The following CPXM2 variants were observed in gnomAD, a reference collection of about 807,000 sequenced individuals.
The protein encoded by CPXM2 is inactive carboxypeptidase-like protein X2.
Under a neutral mutation model 86.1 loss-of-function variants are expected in CPXM2, and 66 were observed. The observed-to-expected ratio is 0.77, with a 90% CI of 0.63 to 0.94. The LOEUF (loss-of-function observed/expected upper bound fraction) is 0.94, where lower values mean the gene tolerates loss of function less well. Among genes scored for constraint, CPXM2 ranks in the 40% least tolerant of loss-of-function variants. CPXM2 has a pLI of 0.00. For missense variants in CPXM2, 948 were observed against 1,026.3 expected, an observed-to-expected ratio of 0.92 and a Z score of 1.04; for synonymous variants, 388 against 400.2, an observed-to-expected ratio of 0.97 and a Z score of 0.36.
intron 4 of CPXM2, among the ~76,000 whole-genome samples, chr10:123,819,602 T>C (rs758706982): frequency 6.6e-6 from 1 of 152,256 alleles, no homozygotes; most frequent in Admixed American, 6.5e-5. Flanking sequence ...ATGAGATTTA[T>C]TGACTTCATA....
chr10:123,898,927 C>G (rs536728806), intron 2 of CPXM2, among the ~76,000 whole-genome samples: 3 of 152,040 alleles, frequency 2.0e-5, no homozygotes, highest in Non-Finnish European at 2.9e-5. Context: ...TGTATTTTTT[C>G]ATAGCGCAGA....
At chr10:123,821,870 T>C (rs1847931474) in intron 4 of CPXM2, among the ~76,000 whole-genome samples, 1 of 152,236 alleles carries the variant, frequency 6.6e-6, no homozygotes, top group African/African-American at 2.4e-5. Context: ...AACAAGATGT[T>C]AATTCTCCAT....
intron 6 of CPXM2, among the ~76,000 whole-genome samples, chr10:123,782,520 A>T (rs1427555011): frequency 6.6e-6 from 1 of 152,180 alleles, no homozygotes; most frequent in Non-Finnish European, 1.5e-5. Context: ...AGAACTTCAC[A>T]ACTTTCAGTC....
intron 2 of CPXM2, among the ~76,000 whole-genome samples, chr10:123,931,986 A>G (rs898441835): frequency 6.6e-6 from 1 of 152,190 alleles, no homozygotes; most frequent in African/African-American, 2.4e-5. Flanking sequence ...GTCAGGTCTT[A>G]AGTCAGTATA....
intron 3 of CPXM2, among the ~76,000 whole-genome samples, chr10:123,847,513 G>A (rs745795256): frequency 6.6e-5 from 10 of 151,524 alleles, no homozygotes; most frequent in Non-Finnish European, 1.2e-4. Flanking sequence ...GCAACAGGGC[G>A]AGACTCTGTC....
chr10:123,760,784 C>A (rs1213456051), intron 11 of CPXM2, among the ~76,000 whole-genome samples: 1 of 152,200 alleles, frequency 6.6e-6, no homozygotes, highest in East Asian at 1.9e-4. Context: ...ACTACCACCA[C>A]CATCCTCCTC....
chr10:123,843,432 A>ATTTTTTTTTTTTTT (rs5788632), intron 3 of CPXM2, among the ~76,000 whole-genome samples: 1 of 126,392 alleles, frequency 7.9e-6, no homozygotes, highest in African/African-American at 3.0e-5. Flanking sequence ...TCACAGAGCT[A>ATTTTTTTTTTTTTT]TTTTTTTTTT....
chr10:123,839,049 T>C (rs1334820958), intron 4 of CPXM2, among the ~76,000 whole-genome samples: 2 of 152,176 alleles, frequency 1.3e-5, no homozygotes, highest in African/African-American at 2.4e-5. Flanking sequence ...TACCTAAAAA[T>C]AAAGCTTGAA....
chr10:123,893,852 T>C (rs1049021141), upstream of CPXM2, among the ~76,000 whole-genome samples: 8 of 152,216 alleles, frequency 5.3e-5, no homozygotes, highest in Non-Finnish European at 1.0e-4. Flanking sequence ...CCTGGCATCC[T>C]GGCCAGAGGG....
chr10:123,857,931 A>T (rs1848773213), intron 3 of CPXM2, among the ~76,000 whole-genome samples: 2 of 151,822 alleles, frequency 1.3e-5, no homozygotes, highest in African/African-American at 4.8e-5. Flanking sequence ...TTGGTCCCAC[A>T]GCCCATTCAT....
chr10:123,786,530 T>C (rs1847060464), intron 6 of CPXM2, among the ~76,000 whole-genome samples: 2 of 152,090 alleles, frequency 1.3e-5, no homozygotes, highest in Admixed American at 6.5e-5. Context: ...CACAGGTTGT[T>C]TAGAAGTGAG....
Position 123,844,332 on chromosome 10 carries a change from A to G in CPXM2, c.514-1844T>C, listed in dbSNP as rs1209627760. 2.0e-5 allele frequency among the ~76,000 whole-genome samples: 3 copies of G among 152,204 alleles called. No individual in the cohort carries two copies. The East Asian group carries it at 5.8e-4, about 29-fold the overall frequency. On this transcript the variant is annotated intron_variant, in intron 3 of 13. Coordinates refer to ENST00000241305, the MANE Select transcript of CPXM2 (RefSeq NM_198148.3). ...TGAACCAAAAGGTTTGATTCTTTAAAGGGTACACTAGTCTTGAAAACGTCA... is the reference window on the plus strand; with the variant it reads ...TGAACCAAAAGGTTTGATTCTTTAAGGGGTACACTAGTCTTGAAAACGTCA...
At chr10:123,817,487 G>C (rs954815032) in intron 4 of CPXM2, among the ~76,000 whole-genome samples, 7 of 152,136 alleles carry the variant, frequency 4.6e-5, no homozygotes, top group African/African-American at 1.4e-4. Context: ...ATTTGTCTAT[G>C]GGTCATCAAG....
At position 123,768,683 on chromosome 10, in the gene CPXM2, T is replaced by C. The variant is rs202065646; in HGVS notation, c.1142A>G (p.Asn381Ser). ...EFHYIAGAHG[N>S]EVLGRELLLL... ...CAGCAGCTCCCGGCCCAGCACCTCA[T>C]TGCCGTGGGCCCCCGCGATGTAGTG... The change falls in exon 9 of 14, where the codon AAT becomes AGT. Residue 381 changes from asparagine (N) to serine (S), a missense_variant. Coordinates refer to ENST00000241305, the MANE Select transcript of CPXM2 (RefSeq NM_198148.3). 1.5e-4 allele frequency: 249 copies of C among 1,611,526 alleles called. No individual in the cohort carries two copies. Among genetic ancestry groups the C allele is most frequent in the Non-Finnish European group, 2.1e-4 (244 of 1,179,538 alleles).
intron 1 of CPXM2, among the ~76,000 whole-genome samples, chr10:123,889,184 C>T (rs1200039165): frequency 6.6e-6 from 1 of 152,226 alleles, no homozygotes; most frequent in African/African-American, 2.4e-5. Context: ...AGTCTGTGGA[C>T]ACTGCTCAGG....
intron 2 of CPXM2, among the ~76,000 whole-genome samples, chr10:123,871,568 A>T (rs978850444): frequency 3.3e-5 from 5 of 152,214 alleles, no homozygotes; most frequent in African/African-American, 1.2e-4. Flanking sequence ...TTTTATTTAA[A>T]TCAAATTACT....
At chr10:123,840,583 T>C (rs1848366064) in intron 4 of CPXM2, among the ~76,000 whole-genome samples, 1 of 152,216 alleles carries the variant, frequency 6.6e-6, no homozygotes, top group East Asian at 1.9e-4. Flanking sequence ...AGTAACAGCA[T>C]GAAAAATGTT....
chr10:123,788,446 TC>T (rs1201303550), intron 6 of CPXM2, among the ~76,000 whole-genome samples: 9 of 151,720 alleles, frequency 5.9e-5, no homozygotes, highest in East Asian at 1.9e-4. Context: ...ATACGAAACT[TC>T]CCCCCTCCAG....
chr10:123,903,046 C>A (rs1945398645), intron 2 of CPXM2, among the ~76,000 whole-genome samples: 1 of 152,254 alleles, frequency 6.6e-6, no homozygotes, highest in Non-Finnish European at 1.5e-5. Context: ...CGAAGCCCAA[C>A]TCTAACGCCT....
Sources: gnomAD v4.1 joint callset for allele counts (sites outside exome capture counted in the v4.1 genomes callset) on GRCh38, gnomAD v4.1.1 for gene constraint, MANE v1.5 for transcripts, NCBI Gene and HGNC (gene_info 2026-07-23, HGNC 2026-07-21) for gene names.